NBPF3: variants seen among roughly 807,000 people sequenced by gnomAD.
The protein encoded by NBPF3 is NBPF member 3, also known as NBPF family member NBPF3.
Under a neutral mutation model 78.1 loss-of-function variants are expected in NBPF3, and 57 were observed. That is an observed-to-expected ratio of 0.73 (90% confidence interval 0.59 to 0.91). The LOEUF (loss-of-function observed/expected upper bound fraction) is 0.91, where lower values mean the gene tolerates loss of function less well. Ranked by LOEUF, NBPF3 falls within the 40% of genes least tolerant of loss-of-function variation. NBPF3 has a pLI of 0.00. For synonymous variants in NBPF3, 182 were observed against 271.7 expected, an observed-to-expected ratio of 0.67 and a Z score of 3.25; for missense variants, 510 against 715.3, an observed-to-expected ratio of 0.71 and a Z score of 3.27.
In NBPF3 at chr1:21,468,760, C is replaced by T; in HGVS notation, c.206C>T (p.Ala69Val). Residue 69 changes from alanine (A) to valine (V), a missense_variant, in exon 3 of 15, where the codon GCA becomes GTA. Ala to Val is a moderately conservative substitution (Grantham distance 64). Transcript: ENST00000318249. ...GCCGGCCCTTGGTCCGGTGAGAAGG[C>T]AGAGATGAACATTCTAGAAATCAAC... ...VSAGPWSGEK[A>V]EMNILEINKK... 1 of 1,613,796 alleles carries T rather than the reference C, an allele frequency of 6.2e-7. No homozygotes were observed.
intron 8 of NBPF3, among the ~76,000 whole-genome samples, chr1:21,477,613 T>C (rs1642953669): frequency 6.6e-6 from 1 of 152,188 alleles, no homozygotes; most frequent in Non-Finnish European, 1.5e-5. Context: ...TTCTCTCCCA[T>C]GTGTTTAAAT....
intron 2 of NBPF3, among the ~76,000 whole-genome samples, chr1:21,464,906 C>T (rs1485331301): frequency 6.7e-6 from 1 of 149,778 alleles, no homozygotes; most frequent in East Asian, 2.0e-4. Flanking sequence ...ACTTGGAAAG[C>T]TGAGGCAGGA....
At chr1:21,477,298 G>A (rs1468125713) in intron 8 of NBPF3, among the ~76,000 whole-genome samples, 1 of 152,138 alleles carries the variant, frequency 6.6e-6, no homozygotes, top group Admixed American at 6.6e-5. Flanking sequence ...GTTATTCTCC[G>A]TCCTGCTTTG....
At chr1:21,478,809 T>A (rs1167145594) in intron 9 of NBPF3, among the ~76,000 whole-genome samples, 2 of 152,242 alleles carry the variant, frequency 1.3e-5, no homozygotes, top group African/African-American at 4.8e-5. Context: ...CTAAGTTGGC[T>A]TGTCATAGCT....
chr1:21,459,490 TATGGGTAG>T (rs1641825692), intron 2 of NBPF3, among the ~76,000 whole-genome samples: 3 of 152,206 alleles, frequency 2.0e-5, no homozygotes, highest in African/African-American at 4.8e-5. Flanking sequence ...ACAGGAGGGC[TATGGGTAG>T]AGGAAGGTGT....
chr1:21,471,461 C>CT lies in NBPF3; in HGVS notation c.447-106dup, dbSNP rs1350763051. 1.9e-6 allele frequency: 3 copies of CT among 1,543,682 alleles called. No homozygotes were observed. In the East Asian group the frequency reaches 6.7e-5, roughly 35 times the overall value. On this transcript the variant is annotated intron_variant, in intron 4 of 14. Transcript: ENST00000318249. ...TCTTTAAACATGTGCTGACCTTCTGCTTGGAGGTCTCCTTGAGGACATTGT... is the reference window on the plus strand; with the variant it reads ...TCTTTAAACATGTGCTGACCTTCTGCTTTGGAGGTCTCCTTGAGGACATTGT...
intron 1 of NBPF3, 83 bp from the exon 2 acceptor site, chr1:21,444,865 T>G (rs1640872117): frequency 4.4e-6 from 2 of 459,732 alleles, no homozygotes; most frequent in African/African-American, 4.0e-5. Flanking sequence ...CTTCCCAGTC[T>G]CCGTAAATGG....
At position 21,445,223 on chromosome 1, in the gene NBPF3, A is replaced by G. The variant is rs1347858791; in HGVS notation, c.133+4A>G. 6.2e-7 allele frequency: 1 copy of G among 1,611,326 alleles called. No homozygotes were observed. The highest frequency in any genetic ancestry group is 1.1e-5 in the South Asian group (1 of 90,950). The stretch of plus-strand genomic sequence containing the variant: ...CAAGAGCTGCGAGATCCAACAGGTA[A>G]AAATCCCGAGGCATTGCCAGCTCGG... On this transcript the variant is annotated splice_donor_region_variant and intron_variant, in intron 2 of 14. Transcript: ENST00000318249.
intron 2 of NBPF3, chr1:21,468,435 C>A (rs1570044799): frequency 1.4e-6 from 2 of 1,379,332 alleles, no homozygotes; most frequent in East Asian, 5.6e-5. Flanking sequence ...GTTATTGCAA[C>A]TGCAGACCGT....
At chr1:21,474,091 T>C (rs953080752) in intron 7 of NBPF3, among the ~76,000 whole-genome samples, 1 of 152,232 alleles carries the variant, frequency 6.6e-6, no homozygotes, top group Non-Finnish European at 1.5e-5. Flanking sequence ...TTTGCTGATA[T>C]AGTTCCATAA....
At chr1:21,465,125 C>CT (rs1392637811) in intron 2 of NBPF3, among the ~76,000 whole-genome samples, 1 of 150,834 alleles carries the variant, frequency 6.6e-6, no homozygotes, top group East Asian at 1.9e-4. Context: ...AGAAGATTTC[C>CT]TTTTTTCAGA....
intron 2 of NBPF3, among the ~76,000 whole-genome samples, chr1:21,461,726 G>T (rs9426754): frequency 6.6e-6 from 1 of 152,200 alleles, no homozygotes; most frequent in African/African-American, 2.4e-5. Flanking sequence ...GCCTTGCAAA[G>T]TCTTGGGATT....
chr1:21,467,009 C>G, intron 2 of NBPF3: 1 of 984,770 alleles, frequency 1.0e-6, no homozygotes, highest in Non-Finnish European at 1.2e-6. Context: ...TGAAAACTCA[C>G]CCCTGTGTGA....
At chr1:21,454,141 G>A (rs1208692040) in intron 2 of NBPF3, 1 of 152,246 alleles carries the variant, frequency 6.6e-6, no homozygotes, top group Non-Finnish European at 1.5e-5. Flanking sequence ...AGCCCATGAG[G>A]AGGAAAGCCT....
At chr1:21,457,188 G>GTGTGTA (rs755181357) in intron 2 of NBPF3, among the ~76,000 whole-genome samples, 2 of 150,720 alleles carry the variant, frequency 1.3e-5, no homozygotes, top group African/African-American at 2.4e-5. Context: ...GTGTGTGTGT[G>GTGTGTA]TATGTATGTG....
At chr1:21,453,285 C>G (rs1641413648) in intron 2 of NBPF3, 1 of 152,138 alleles carries the variant, frequency 6.6e-6, no homozygotes, top group African/African-American at 2.4e-5. Flanking sequence ...CTGGCAATAG[C>G]TGCATCTGTC....
chr1:21,470,600 T>C (rs763463789), intron 3 of NBPF3, 32 bp from the exon 4 acceptor site: 1 of 1,538,866 alleles, frequency 6.5e-7, no homozygotes, highest in Non-Finnish European at 8.9e-7. Flanking sequence ...GTCCAGCCTT[T>C]CACTGAGGCA....
At chr1:21,445,255 CAG>C (rs1333163429) in intron 2 of NBPF3, 36 bp downstream of exon 2, 2 of 1,602,766 alleles carry the variant, frequency 1.2e-6, no homozygotes, top group African/African-American at 2.7e-5. Context: ...TCGGTGGGGT[CAG>C]AGAGTCCTCT....
upstream of NBPF3, among the ~76,000 whole-genome samples, chr1:21,438,301 C>CG (rs905469439): frequency 1.3e-5 from 2 of 150,030 alleles, no homozygotes; most frequent in African/African-American, 4.9e-5. Context: ...TTAGTAGAGA[C>CG]GGGGGTTTCA....
Sources: allele counts gnomAD v4.1 joint callset (sites outside exome capture counted in the v4.1 genomes callset), GRCh38; gene constraint gnomAD v4.1.1; transcripts MANE v1.5; gene names NCBI Gene and HGNC (gene_info 2026-07-23, HGNC 2026-07-21).